The following FRMPD4 variants were observed in gnomAD, a reference collection of about 807,000 sequenced individuals.
FRMPD4 encodes FERM and PDZ domain-containing protein 4.
FRMPD4 carries 22 observed loss-of-function variants against 94.1 expected under a neutral mutation model. The observed-to-expected ratio is 0.23, with a 90% CI of 0.17 to 0.33. The LOEUF (loss-of-function observed/expected upper bound fraction) is 0.33, where lower values mean the gene tolerates loss of function less well. Ranked by LOEUF, FRMPD4 falls within the 10% of genes least tolerant of loss-of-function variation. The probability of loss-of-function intolerance (pLI) is 1.00; values close to 1 mark genes in which losing one functional copy is unlikely to be tolerated. For missense variants in FRMPD4, 1,111 were observed against 1,339.9 expected, an observed-to-expected ratio of 0.83 and a Z score of 2.67; for synonymous variants, 631 against 548.6, an observed-to-expected ratio of 1.15 and a Z score of -2.10.
At chrX:12,361,640 T>C (rs774516666) in intron 1 of FRMPD4, among the ~76,000 whole-genome samples, 1 of 112,520 alleles carries the variant, frequency 8.9e-6, no homozygotes, top group South Asian at 3.7e-4. Context: ...GACACGTTTT[T>C]GCATTATTTT....
chrX:12,428,163 G>A (rs185889536), intron 1 of FRMPD4, among the ~76,000 whole-genome samples: 72 of 109,087 alleles, frequency 6.6e-4, no homozygotes, highest in African/African-American at 1.5e-3. Context: ...TGCCCACCTC[G>A]GCCTCCCCAT....
chrX:12,151,202 TA>T (rs1027026466), intron 1 of FRMPD4, among the ~76,000 whole-genome samples: 87 of 111,066 alleles, frequency 7.8e-4, no homozygotes, highest in Non-Finnish European at 1.4e-3. Context: ...ATAGTAAGGT[TA>T]AAAAAAACTT....
intron 3 of FRMPD4, among the ~76,000 whole-genome samples, chrX:12,121,089 AATTT>A (rs2055450063): frequency 9.2e-6 from 1 of 108,979 alleles, no homozygotes; most frequent in Non-Finnish European, 1.9e-5. Flanking sequence ...TAATACTAAT[AATTT>A]ATTTTATAAT....
At chrX:12,350,262 G>A (rs1279145796) in intron 1 of FRMPD4, among the ~76,000 whole-genome samples, 4 of 111,737 alleles carry the variant, frequency 3.6e-5, no homozygotes, top group African/African-American at 1.3e-4. Flanking sequence ...TATCCTGTAG[G>A]ATTTGATTTT....
At chrX:12,105,154 G>A (rs2055286712) in intron 3 of FRMPD4, among the ~76,000 whole-genome samples, 1 of 111,593 alleles carries the variant, frequency 9.0e-6, no homozygotes, top group Non-Finnish European at 1.9e-5. Context: ...GAGCAAAGCT[G>A]TCTCTGTCTT....
In FRMPD4 at chrX:12,561,190, ATC is replaced by A. The variant is rs1291756222; in HGVS notation, c.159-48526_159-48525del. Reference sequence around the variant, plus strand: ...AATCAGTACGTCCAAATGTCTAAACATCTCTCCAGATATTTCCACTTTTTCAA... The same window carrying A: ...AATCAGTACGTCCAAATGTCTAAACATCTCCAGATATTTCCACTTTTTCAA... On this transcript the variant is annotated intron_variant, in intron 2 of 16. Transcript: ENST00000675598. Among the ~76,000 whole-genome samples the A allele has an allele frequency of 8.9e-5, 10 of 112,130 alleles. No individual in the cohort carries two copies. In the East Asian group the frequency reaches 1.7e-3, roughly 19 times the overall value.
intron 1 of FRMPD4, among the ~76,000 whole-genome samples, chrX:12,452,378 T>C (rs1163277112): frequency 8.9e-6 from 1 of 112,111 alleles, no homozygotes; most frequent in Non-Finnish European, 1.9e-5. Context: ...ATCATATTCA[T>C]TGCCATGAGT....
chrX:12,717,740 G>T lies in FRMPD4; in HGVS notation c.2914G>T (p.Ala972Ser), dbSNP rs200516797. The T allele has an allele frequency of 1.6e-4, 195 of 1,210,440 alleles. 1 individual carries two copies. The highest frequency in any genetic ancestry group is 1.8e-4 in the East Asian group (6 of 33,779). Residue 972 changes from alanine to serine, a missense_variant, in exon 16 of 17, where the codon GCT becomes TCT. Transcript: ENST00000675598. ...GCCTCCAAAGTCCTCGCACGCCCTGGCTGCTAGGCCAGCAACCGACCTCCC... is the reference window on the plus strand; with the variant it reads ...GCCTCCAAAGTCCTCGCACGCCCTGTCTGCTAGGCCAGCAACCGACCTCCC... ...GLPPKSSHAL[A>S]ARPATDLPPK...
chrX:12,711,565 G>A (rs1041206803), intron 14 of FRMPD4, among the ~76,000 whole-genome samples: 3 of 111,182 alleles, frequency 2.7e-5, no homozygotes, highest in African/African-American at 9.8e-5. Context: ...AGTTACTTAA[G>A]CATTTTACTC....
Position 12,717,153 on chromosome X carries a change from A to G in FRMPD4, c.2674+20A>G, listed in dbSNP as rs1383666813. 17 of 1,006,051 alleles carry G rather than the reference A, an allele frequency of 1.7e-5. No homozygotes were observed. Among genetic ancestry groups the G allele is most frequent in the Non-Finnish European group, 2.3e-5 (17 of 730,229 alleles). 82.9% of individuals were successfully genotyped at this position (1,006,051 alleles called of 1,213,427 possible). A position where few individuals can be genotyped will look rare whatever the true frequency, so the allele number is the denominator to read the frequency against. ...ATTCAGGTTCTTTCACAATTGTTAC[A>G]TTCATTCACTGATAACCATATCATT... On this transcript the variant is annotated intron_variant, in intron 15 of 16. Transcript: ENST00000675598.
intron 11 of FRMPD4, 137 bp from the exon 12 acceptor site, chrX:12,706,688 AT>A (rs1192313414): frequency 2.5e-6 from 1 of 393,759 alleles, no homozygotes; most frequent in Non-Finnish European, 4.5e-6. Context: ...TTTATTCCTA[AT>A]GAATAGTCTT....
chrX:12,698,612 A>AAT (rs1389309867), intron 9 of FRMPD4, among the ~76,000 whole-genome samples: 2 of 108,887 alleles, frequency 1.8e-5, no homozygotes, highest in Non-Finnish European at 3.8e-5. Flanking sequence ...ATTAGTACCA[A>AAT]ATATATATAT....
At chrX:11,844,049 G>A (rs1386199682) in intron 1 of FRMPD4, among the ~76,000 whole-genome samples, 1 of 93,953 alleles carries the variant, frequency 1.1e-5, no homozygotes, top group Non-Finnish European at 2.1e-5. Context: ...GTACAATGGT[G>A]TGATCTCAGC....
chrX:12,182,581 T>TAAATAAATAAATAAATAA (rs199773710), intron 1 of FRMPD4, among the ~76,000 whole-genome samples: 48 of 94,961 alleles, frequency 5.1e-4, no homozygotes, highest in Middle Eastern at 5.5e-3. Context: ...TAAATAAATA[T>TAAATAAATAAATAAATAA]ATATATATAT....
chrX:11,873,705 CTTT>C (rs368589472), intron 2 of FRMPD4, among the ~76,000 whole-genome samples: 4 of 98,535 alleles, frequency 4.1e-5, no homozygotes, highest in African/African-American at 1.5e-4. Flanking sequence ...ATCCAGCAGG[CTTT>C]TTTTTTTTTA....
chrX:12,681,772 CTTTT>C (rs1274996054), intron 5 of FRMPD4, among the ~76,000 whole-genome samples: 1 of 111,274 alleles, frequency 9.0e-6, no homozygotes, highest in Non-Finnish European at 1.9e-5. Context: ...TTTTCAACAG[CTTTT>C]TTATTACAGT....
chrX:12,205,358 C>T (rs926128015), intron 1 of FRMPD4, among the ~76,000 whole-genome samples: 12 of 111,678 alleles, frequency 1.1e-4, no homozygotes, highest in Non-Finnish European at 2.1e-4. Context: ...AAAATATATA[C>T]TAAAAAATTT....
At chrX:12,361,046 C>T (rs938001625) in intron 1 of FRMPD4, among the ~76,000 whole-genome samples, 1 of 110,533 alleles carries the variant, frequency 9.0e-6, no homozygotes, top group Non-Finnish European at 1.9e-5. Context: ...AGAAGTCACC[C>T]AATTTTGTTC....
chrX:12,100,902 A>G (rs1421429350), intron 3 of FRMPD4, among the ~76,000 whole-genome samples: 1 of 112,464 alleles, frequency 8.9e-6, no homozygotes, highest in Non-Finnish European at 1.9e-5. Flanking sequence ...TTTCATGTTC[A>G]CAAAACTCTG....
Sources: allele counts gnomAD v4.1 joint callset (sites outside exome capture counted in the v4.1 genomes callset), GRCh38; gene constraint gnomAD v4.1.1; transcripts MANE v1.5; gene names NCBI Gene and HGNC (gene_info 2026-07-23, HGNC 2026-07-21).